UNC5D: variants seen among roughly 807,000 people sequenced by gnomAD.
The protein encoded by UNC5D is unc-5 netrin receptor D.
Under a neutral mutation model 105.4 loss-of-function variants are expected in UNC5D, and 39 were observed. That is an observed-to-expected ratio of 0.37 (90% CI 0.29 to 0.48). The LOEUF (loss-of-function observed/expected upper bound fraction) is 0.48, where lower values mean the gene tolerates loss of function less well. Among genes scored for constraint, UNC5D ranks in the 20% least tolerant of loss-of-function variants. The pLI, the probability that UNC5D is intolerant of heterozygous loss-of-function variation, is 0.98. For synonymous variants in UNC5D, 452 were observed against 450.4 expected (o/e 1.00, Z -0.04); for missense variants, 991 against 1,202.4 (o/e 0.82, Z 2.60).
chr8:35,512,333 G>A (rs1345850337), intron 1 of UNC5D, among the ~76,000 whole-genome samples: 5 of 150,796 alleles, frequency 3.3e-5, no homozygotes, highest in African/African-American at 4.9e-5. Flanking sequence ...ACAAGCCTGA[G>A]CAACATGGTG....
At chr8:35,313,303 A>G (rs2128879799) in intron 1 of UNC5D, among the ~76,000 whole-genome samples, 1 of 152,250 alleles carries the variant, frequency 6.6e-6, no homozygotes, top group South Asian at 2.1e-4. Flanking sequence ...AATGTCCTTT[A>G]ATATCATGAT....
At chr8:35,620,293 C>T (rs192352586) in intron 4 of UNC5D, among the ~76,000 whole-genome samples, 3 of 152,282 alleles carry the variant, frequency 2.0e-5, no homozygotes, top group Non-Finnish European at 4.4e-5. Context: ...CGGGCTGTAC[C>T]GAGTTGTTAC....
chr8:35,742,075 T>C (rs1829790361), intron 11 of UNC5D, among the ~76,000 whole-genome samples: 1 of 152,172 alleles, frequency 6.6e-6, no homozygotes. Context: ...TCTGTTTTCT[T>C]AAATCACACA....
chr8:35,448,924 C>T (rs994929968), intron 1 of UNC5D, among the ~76,000 whole-genome samples: 1 of 151,572 alleles, frequency 6.6e-6, no homozygotes, highest in Admixed American at 6.6e-5. Flanking sequence ...ATCCATGTTG[C>T]TGCAAAAGGT....
chr8:35,738,468 C>T (rs1157474059), intron 11 of UNC5D, among the ~76,000 whole-genome samples: 1 of 152,162 alleles, frequency 6.6e-6, no homozygotes, highest in Non-Finnish European at 1.5e-5. Flanking sequence ...TTTGCTTTAG[C>T]TCTGTCCCAG....
chr8:35,569,909 T>A (rs781073487), intron 3 of UNC5D, among the ~76,000 whole-genome samples: 10 of 147,932 alleles, frequency 6.8e-5, no homozygotes, highest in Non-Finnish European at 1.2e-4. Flanking sequence ...TGTTCTTCAC[T>A]TCTCTGAGGC....
At chr8:35,704,530 C>T (rs554528838) in intron 7 of UNC5D, among the ~76,000 whole-genome samples, 16 of 152,288 alleles carry the variant, frequency 1.1e-4, no homozygotes, top group Admixed American at 6.5e-4. Flanking sequence ...GGCTCACCTT[C>T]GGGCAAACAG....
At chr8:35,608,772 G>A (rs900875283) in intron 4 of UNC5D, among the ~76,000 whole-genome samples, 3 of 150,400 alleles carry the variant, frequency 2.0e-5, no homozygotes, top group Non-Finnish European at 4.4e-5. Context: ...TTTTATAGCT[G>A]ACTGGTATTT....
At position 35,549,477 on chromosome 8, in the gene UNC5D, C is replaced by T. The variant is rs758101726; in HGVS notation, c.289C>T (p.His97Tyr). 9 of 1,612,292 alleles carry T rather than the reference C, an allele frequency of 5.6e-6. No homozygotes were observed. The highest frequency in any genetic ancestry group is 7.6e-6 in the Non-Finnish European group (9 of 1,179,904). Residue 97 changes from histidine (H) to tyrosine (Y), a missense_variant, in exon 2 of 17, where the codon CAC (histidine) becomes TAC (tyrosine). Coordinates refer to ENST00000404895, the MANE Select transcript of UNC5D (RefSeq NM_080872.4). ...CNGEWVHQNEHVSEETLDESS... is the reference protein window; with the variant it reads ...CNGEWVHQNEYVSEETLDESS... ...CGGCGAGTGGGTCCATCAGAACGAG[C>T]ACGTCTCTGAAGAGACTCTGGACGA...
intron 1 of UNC5D, among the ~76,000 whole-genome samples, chr8:35,546,339 A>T (rs1815677377): frequency 1.3e-5 from 2 of 152,100 alleles, no homozygotes; most frequent in South Asian, 4.1e-4. Context: ...GGAGGAGGGG[A>T]ACTTAATTGC....
At chr8:35,350,178 C>T (rs976481153) in intron 1 of UNC5D, among the ~76,000 whole-genome samples, 13 of 151,912 alleles carry the variant, frequency 8.6e-5, no homozygotes, top group South Asian at 8.3e-4. Flanking sequence ...ACAAATTATG[C>T]GTACGAGAAT....
intron 1 of UNC5D, among the ~76,000 whole-genome samples, chr8:35,370,922 T>A (rs1480990535): frequency 6.6e-6 from 1 of 152,228 alleles, no homozygotes; most frequent in Non-Finnish European, 1.5e-5. Context: ...ATTTTTAATT[T>A]GTTTTAAAAA....
intron 9 of UNC5D, among the ~76,000 whole-genome samples, chr8:35,725,789 C>G (rs1357354197): frequency 2.0e-5 from 3 of 152,168 alleles, no homozygotes; most frequent in Admixed American, 1.3e-4. Flanking sequence ...TCTCTCCCCC[C>G]TCTTTTTTTG....
At chr8:35,457,440 A>G (rs1341351751) in intron 1 of UNC5D, among the ~76,000 whole-genome samples, 1 of 152,156 alleles carries the variant, frequency 6.6e-6, no homozygotes, top group Non-Finnish European at 1.5e-5. Flanking sequence ...AAATTCTTAT[A>G]CCATTTATCA....
At chr8:35,621,661 G>C (rs1362723403) in intron 4 of UNC5D, among the ~76,000 whole-genome samples, 1 of 152,118 alleles carries the variant, frequency 6.6e-6, no homozygotes, top group Non-Finnish European at 1.5e-5. Context: ...AAAAAAGATT[G>C]CAGAGCTTTG....
chr8:35,567,977 C>A lies in UNC5D; in HGVS notation c.323-121C>A, dbSNP rs1456345266. 2.1e-6 allele frequency: 3 copies of A among 1,431,990 alleles called. No homozygotes were observed. The East Asian group carries it at 6.9e-5, about 33-fold the overall frequency. The allele number at this position is 1,431,990 out of a possible 1,614,324, so 88.7% of individuals were successfully genotyped here. A position where few individuals can be genotyped will look rare whatever the true frequency, so the allele number is the denominator to read the frequency against. ...TATATTATTGTCAAAGTAATTAAAACCTTGCCTTGATTAAAAACAGGATTG... is the reference window on the plus strand; with the variant it reads ...TATATTATTGTCAAAGTAATTAAAAACTTGCCTTGATTAAAAACAGGATTG... On this transcript the variant is annotated intron_variant, in intron 2 of 16. Transcript: ENST00000404895.
chr8:35,245,978 A>G (rs957192733), intron 1 of UNC5D, among the ~76,000 whole-genome samples: 2 of 152,082 alleles, frequency 1.3e-5, no homozygotes. Context: ...TTCACTCTCC[A>G]TGGTGTCTCC....
chr8:35,236,267 C>T (rs1057384261), intron 1 of UNC5D, among the ~76,000 whole-genome samples: 1 of 152,170 alleles, frequency 6.6e-6, no homozygotes, highest in Non-Finnish European at 1.5e-5. Flanking sequence ...GCGCCCATAG[C>T]GATGTCGGAG....
intron 4 of UNC5D, among the ~76,000 whole-genome samples, chr8:35,610,553 C>T (rs1036372120): frequency 2.6e-5 from 4 of 152,086 alleles, no homozygotes; most frequent in African/African-American, 9.7e-5. Flanking sequence ...ATCACTCTGT[C>T]CTTCGAAGGG....
Sources: gnomAD v4.1 joint callset for allele counts (sites outside exome capture counted in the v4.1 genomes callset) on GRCh38, gnomAD v4.1.1 for gene constraint, MANE v1.5 for transcripts, NCBI Gene and HGNC (gene_info 2026-07-23, HGNC 2026-07-21) for gene names.